PCDHA3: variants seen among roughly 807,000 people sequenced by gnomAD.
PCDHA3 encodes protocadherin alpha 3.
Under a neutral mutation model 62.2 loss-of-function variants are expected in PCDHA3, and 41 were observed. That is an observed-to-expected ratio of 0.66 (90% CI 0.51 to 0.86). The LOEUF is 0.86. Among genes scored for constraint, PCDHA3 ranks in the 40% least tolerant of loss-of-function variants. The probability of loss-of-function intolerance (pLI) is 0.00; values close to 1 mark genes in which losing one functional copy is unlikely to be tolerated. For synonymous variants in PCDHA3, 640 were observed against 555.4 expected (o/e 1.15, Z -2.14); for missense variants, 1,304 against 1,241.2 (o/e 1.05, Z -0.76).
intron 1 of PCDHA3, among the ~76,000 whole-genome samples, chr5:140,937,072 C>G (rs1321046541): frequency 7.0e-6 from 1 of 143,792 alleles, no homozygotes; most frequent in East Asian, 2.0e-4. Flanking sequence ...GAGTCTCGCT[C>G]TGTCGCCCAG....
At chr5:140,869,453 T>C in intron 1 of PCDHA3, 1 of 1,614,214 alleles carries the variant, frequency 6.2e-7, no homozygotes, top group Non-Finnish European at 8.5e-7. Flanking sequence ...CTGCAGGTTT[T>C]CCATGTGAAC....
intron 1 of PCDHA3, chr5:140,860,925 G>A (rs2046658234): frequency 6.6e-6 from 1 of 152,286 alleles, no homozygotes; most frequent in Non-Finnish European, 1.5e-5. Context: ...TTTTAGTAGA[G>A]ACGAGGTTTC....
At chr5:140,867,316 T>C (rs1234644689) in intron 1 of PCDHA3, 5 of 152,146 alleles carry the variant, frequency 3.3e-5, no homozygotes, top group African/African-American at 1.2e-4. Context: ...TGTCATCTGG[T>C]CTAATGTTAT....
chr5:140,842,589 T>G, intron 1 of PCDHA3: 1 of 1,529,168 alleles, frequency 6.5e-7, no homozygotes, highest in Non-Finnish European at 8.9e-7. Flanking sequence ...GCCTATGAGT[T>G]GGTGGTAACC....
In PCDHA3 at chr5:141,010,450, G is replaced by T; in HGVS notation, c.*513G>T. 7.6e-6 allele frequency: 7 copies of T among 920,886 alleles called. No homozygotes were observed. The South Asian group carries it at 1.3e-4, about 17-fold the overall frequency. The allele number at this position is 920,886 out of a possible 1,614,324, so 57.0% of individuals were successfully genotyped here. A position where few individuals can be genotyped will look rare whatever the true frequency, so the allele number is the denominator to read the frequency against. ...AAGAAAACAAAGACAAATAAACAGC[G>T]GAAGTTATCAGTATGGAGGGGAAGT... is the stretch of plus-strand genomic sequence containing the variant. On this transcript the variant is annotated 3_prime_UTR_variant, in exon 4 of 4. Transcript: ENST00000522353.
intron 1 of PCDHA3, among the ~76,000 whole-genome samples, chr5:140,904,491 T>G (rs2071172626): frequency 6.6e-6 from 1 of 151,972 alleles, no homozygotes; most frequent in Non-Finnish European, 1.5e-5. Context: ...TGATTCCAAA[T>G]TTTTACAATT....
At chr5:140,830,470 AG>A in intron 1 of PCDHA3, 2 of 1,563,546 alleles carry the variant, frequency 1.3e-6, no homozygotes. Context: ...ATTTAAATGA[AG>A]ATCATGATGC....
chr5:140,849,574 A>G (rs2150440972), intron 1 of PCDHA3: 1 of 1,598,696 alleles, frequency 6.3e-7, no homozygotes, highest in East Asian at 2.2e-5. Context: ...GTTCCTGTAA[A>G]AGAGGACGCA....
At chr5:140,968,776 A>G (rs1346540500) in intron 1 of PCDHA3, 4 of 1,614,082 alleles carry the variant, frequency 2.5e-6, no homozygotes, top group Admixed American at 3.3e-5. Context: ...AGCCATCACT[A>G]TCAGCCTCTG....
At chr5:140,869,908 C>T (rs189065461) in intron 1 of PCDHA3, 51 of 1,610,528 alleles carry the variant, frequency 3.2e-5, no homozygotes, top group African/African-American at 2.4e-4. Flanking sequence ...CGCCACAGAC[C>T]GAGACGAAGG....
At chr5:140,883,615 C>T (rs1554178913) in intron 1 of PCDHA3, 6 of 1,613,938 alleles carry the variant, frequency 3.7e-6, no homozygotes, top group African/African-American at 1.3e-5. Context: ...CCGACGTGAA[C>T]GACAACGCGC....
intron 1 of PCDHA3, chr5:140,830,467 TGAA>T (rs2150186899): frequency 3.2e-6 from 5 of 1,572,686 alleles, no homozygotes; most frequent in Non-Finnish European, 4.3e-6. Flanking sequence ...AGGATTTAAA[TGAA>T]GATCATGATG....
intron 1 of PCDHA3, chr5:140,870,411 C>T: frequency 6.2e-7 from 1 of 1,614,212 alleles, no homozygotes; most frequent in East Asian, 2.2e-5. Context: ...CTCTGTGGGC[C>T]ACGGCCAGGG....
At chr5:140,972,854 G>C (rs895738831) in intron 1 of PCDHA3, among the ~76,000 whole-genome samples, 1 of 151,946 alleles carries the variant, frequency 6.6e-6, no homozygotes, top group African/African-American at 2.4e-5. Context: ...AGTAGAGATG[G>C]GGTTTCATCA....
intron 1 of PCDHA3, chr5:140,967,032 A>T: frequency 6.2e-7 from 1 of 1,610,180 alleles, no homozygotes; most frequent in Non-Finnish European, 8.5e-7. Flanking sequence ...AGTCCGCGCT[A>T]CCTGGAGCTG....
chr5:140,846,891 T>A (rs1554141528), intron 1 of PCDHA3, among the ~76,000 whole-genome samples: 1 of 149,346 alleles, frequency 6.7e-6, no homozygotes, highest in Non-Finnish European at 1.5e-5. Flanking sequence ...CAGAATGACG[T>A]TGAAGTTGAA....
chr5:140,801,820 A>G lies in PCDHA3; in HGVS notation c.623A>G (p.His208Arg), dbSNP rs369589944. The G allele has an allele frequency of 6.2e-7, 1 of 1,614,020 alleles. No individual in the cohort carries two copies. The highest frequency in any genetic ancestry group is 1.3e-5 in the African/African-American group (1 of 74,930). Residue 208 changes from histidine to arginine, a missense_variant, in exon 1 of 4, where the codon CAT becomes CGT. His to Arg is a conservative substitution (Grantham distance 29). Transcript: ENST00000522353. ...TTAAATCGAGAGGACACTCCTAAGC[A>G]TTATTTACTAATAACAGCAATTGAT... ...KNLNREDTPK[H>R]YLLITAIDGG...
chr5:140,834,926 C>T (rs2150229096), intron 1 of PCDHA3: 1 of 1,582,826 alleles, frequency 6.3e-7, no homozygotes, highest in African/African-American at 1.4e-5. Context: ...TCTTCCTGGA[C>T]GTGCCAACCA....
chr5:140,913,082 C>G (rs2076197049), intron 1 of PCDHA3, among the ~76,000 whole-genome samples: 1 of 152,108 alleles, frequency 6.6e-6, no homozygotes, highest in African/African-American at 2.4e-5. Context: ...TGTTTGGTAT[C>G]AGGATAATAC....
Sources: gnomAD v4.1 joint callset for allele counts (sites outside exome capture counted in the v4.1 genomes callset) on GRCh38, gnomAD v4.1.1 for gene constraint, MANE v1.5 for transcripts, NCBI Gene and HGNC (gene_info 2026-07-23, HGNC 2026-07-21) for gene names.